IQCM: variants seen among roughly 807,000 people sequenced by gnomAD.
The protein encoded by IQCM is IQ motif containing M.
Under a neutral mutation model 57.6 loss-of-function variants are expected in IQCM, and 45 were observed. The observed-to-expected ratio is 0.78, with a 90% confidence interval of 0.62 to 1.00. The LOEUF (loss-of-function observed/expected upper bound fraction) is 1.00. IQCM is among the 50% of genes least tolerant of loss of function. The probability of loss-of-function intolerance (pLI) is 0.00; values close to 1 mark genes in which losing one functional copy is unlikely to be tolerated. For synonymous variants in IQCM, 148 were observed against 158.9 expected (o/e 0.93, Z 0.51); for missense variants, 468 against 511.6 (o/e 0.91, Z 0.82).
chr4:149,460,789 T>C (rs981965805), intron 12 of IQCM, among the ~76,000 whole-genome samples: 2 of 152,150 alleles, frequency 1.3e-5, no homozygotes, highest in Non-Finnish European at 2.9e-5. Context: ...GAACAAAAGG[T>C]ACTGACAATA....
intron 7 of IQCM, among the ~76,000 whole-genome samples, chr4:149,646,278 A>G (rs1438383554): frequency 1.3e-5 from 2 of 152,122 alleles, no homozygotes; most frequent in African/African-American, 4.8e-5. Context: ...ATTAATATGA[A>G]TCTTTTCTAT....
chr4:149,537,610 A>C (rs973314591), intron 12 of IQCM, among the ~76,000 whole-genome samples: 5 of 151,948 alleles, frequency 3.3e-5, no homozygotes, highest in African/African-American at 4.8e-5. Context: ...CAAGAAGTTC[A>C]ATGAACCCCA....
At chr4:149,646,109 A>G (rs762634354) in intron 7 of IQCM, among the ~76,000 whole-genome samples, 1 of 152,150 alleles carries the variant, frequency 6.6e-6, no homozygotes, top group Non-Finnish European at 1.5e-5. Flanking sequence ...AAGGGGTCTA[A>G]GTTTTCCCAT....
At chr4:149,726,273 A>G (rs909365707) in intron 5 of IQCM, among the ~76,000 whole-genome samples, 3 of 152,078 alleles carry the variant, frequency 2.0e-5, no homozygotes, top group Non-Finnish European at 4.4e-5. Flanking sequence ...TCCTACCCTC[A>G]AGTGAATAAC....
At chr4:149,571,866 G>A (rs1269160449) in intron 9 of IQCM, among the ~76,000 whole-genome samples, 1 of 151,972 alleles carries the variant, frequency 6.6e-6, no homozygotes, top group Admixed American at 6.6e-5. Context: ...CACAAGATAG[G>A]GATGAGAAAG....
intron 2 of IQCM, among the ~76,000 whole-genome samples, chr4:149,782,521 G>A (rs1292555303): frequency 6.6e-6 from 1 of 150,796 alleles, no homozygotes; most frequent in Non-Finnish European, 1.5e-5. Flanking sequence ...GAGGTGGGAC[G>A]ATTGCTTGAG....
At chr4:149,783,305 C>T (rs1561270724) in intron 2 of IQCM, among the ~76,000 whole-genome samples, 1 of 152,190 alleles carries the variant, frequency 6.6e-6, no homozygotes, top group Admixed American at 6.5e-5. Flanking sequence ...ATTCTTGAAT[C>T]TTCTATGTTG....
At chr4:149,451,758 T>G (rs1366511997) in intron 12 of IQCM, among the ~76,000 whole-genome samples, 2 of 151,762 alleles carry the variant, frequency 1.3e-5, no homozygotes, top group Non-Finnish European at 2.9e-5. Flanking sequence ...ATAAAGGACA[T>G]CTATAAAAAA....
intron 8 of IQCM, among the ~76,000 whole-genome samples, chr4:149,600,177 A>T (rs1468962938): frequency 6.6e-6 from 1 of 152,186 alleles, no homozygotes; most frequent in Non-Finnish European, 1.5e-5. Context: ...TTCTGCTATT[A>T]TTATGAGATT....
chr4:149,545,832 AT>A (rs1230179570), intron 12 of IQCM, among the ~76,000 whole-genome samples: 1 of 151,730 alleles, frequency 6.6e-6, no homozygotes, highest in African/African-American at 2.4e-5. Flanking sequence ...TTTTTTTATT[AT>A]TATACTTTAA....
chr4:149,684,780 C>T (rs1221905794), intron 6 of IQCM, among the ~76,000 whole-genome samples: 2 of 151,388 alleles, frequency 1.3e-5, no homozygotes, highest in African/African-American at 4.8e-5. Context: ...TTTCCCCCTG[C>T]ATTCCCATCA....
chr4:149,391,864 C>T (rs987146656), intron 13 of IQCM, among the ~76,000 whole-genome samples: 1 of 151,844 alleles, frequency 6.6e-6, no homozygotes, highest in African/African-American at 2.4e-5. Flanking sequence ...GATCCTTGTA[C>T]ATTTATTGAG....
At chr4:149,354,977 A>G (rs939412423) in intron 13 of IQCM, among the ~76,000 whole-genome samples, 2 of 152,116 alleles carry the variant, frequency 1.3e-5, no homozygotes, top group East Asian at 3.9e-4. Context: ...GTAAACCAAT[A>G]TTTCTGTAAA....
chr4:149,625,679 C>T (rs373608156), intron 7 of IQCM, among the ~76,000 whole-genome samples: 1 of 152,080 alleles, frequency 6.6e-6, no homozygotes, highest in African/African-American at 2.4e-5. Context: ...GGGAGGAAGT[C>T]GAGAGTGAAG....
At chr4:149,655,638 G>T (rs548133100) in intron 7 of IQCM, among the ~76,000 whole-genome samples, 1 of 152,010 alleles carries the variant, frequency 6.6e-6, no homozygotes, top group South Asian at 2.1e-4. Flanking sequence ...CCTAACATTC[G>T]AAAGTTGTGT....
At chr4:149,582,277 G>A (rs1192434329) in intron 9 of IQCM, among the ~76,000 whole-genome samples, 1 of 98,238 alleles carries the variant, frequency 1.0e-5, no homozygotes, top group Non-Finnish European at 2.3e-5. Flanking sequence ...TATTTAGATG[G>A]GTCAGTCAAT....
At chr4:149,477,695 T>C (rs1740345818) in intron 12 of IQCM, among the ~76,000 whole-genome samples, 1 of 152,122 alleles carries the variant, frequency 6.6e-6, no homozygotes, top group Non-Finnish European at 1.5e-5. Context: ...AAAGGATAGG[T>C]CACTGTAAAT....
chr4:149,585,044 G>C (rs1240781090), intron 9 of IQCM, among the ~76,000 whole-genome samples: 2 of 151,676 alleles, frequency 1.3e-5, no homozygotes, highest in South Asian at 2.1e-4. Flanking sequence ...AACTGTAAAG[G>C]GTTCCCGCAA....
At chr4:149,525,000 A>G (rs770874577) in intron 12 of IQCM, among the ~76,000 whole-genome samples, 1 of 151,886 alleles carries the variant, frequency 6.6e-6, no homozygotes, top group Non-Finnish European at 1.5e-5. Context: ...TTTAAAGTCA[A>G]TTGAAACAGG....
Sources: gnomAD v4.1 joint callset for allele counts (sites outside exome capture counted in the v4.1 genomes callset) on GRCh38, gnomAD v4.1.1 for gene constraint, MANE v1.5 for transcripts, NCBI Gene and HGNC (gene_info 2026-07-23, HGNC 2026-07-21) for gene names.